DLG1: variants seen among roughly 807,000 people sequenced by gnomAD.
DLG1 encodes disks large homolog 1.
In DLG1, 42 loss-of-function variants were observed where a neutral mutation model predicts 123.4. The observed-to-expected ratio is 0.34, with a 90% CI of 0.27 to 0.44. The LOEUF (loss-of-function observed/expected upper bound fraction) is 0.44, where lower values mean the gene tolerates loss of function less well. Among genes scored for constraint, DLG1 ranks in the 20% least tolerant of loss-of-function variants. DLG1 has a pLI of 1.00. For missense variants in DLG1, 942 were observed against 1,082.6 expected (o/e 0.87, Z 1.82); for synonymous variants, 317 against 356.2 (o/e 0.89, Z 1.24).
intron 4 of DLG1, among the ~76,000 whole-genome samples, chr3:197,203,697 T>G (rs1236965760): frequency 6.6e-6 from 1 of 152,224 alleles, no homozygotes; most frequent in Non-Finnish European, 1.5e-5. Flanking sequence ...CTTTCACTTT[T>G]GCAATCTTTA....
rs1169896274 is a variant in DLG1 at position 197,140,490 on chromosome 3, T to G, written c.589-226A>C. 2.6e-5 allele frequency among the ~76,000 whole-genome samples: 4 copies of G among 152,194 alleles called. No homozygotes were observed. The East Asian group carries it at 5.8e-4, about 22-fold the overall frequency. The stretch of plus-strand genomic sequence containing the variant: ...AGGTTCAAGAAAATACACCAAGGAC[T>G]TTTGAAGTATACTCCACAGTTCTTT... On this transcript the variant is annotated intron_variant, in intron 7 of 24. Transcript: ENST00000667157.
In DLG1 at chr3:197,168,258, AG is replaced by A. The variant is rs1802383133; in HGVS notation, c.484-18463del. Among the ~76,000 whole-genome samples, 4 of 152,374 alleles carry A rather than the reference AG, an allele frequency of 2.6e-5. No individual in the cohort carries two copies. In the South Asian group the frequency reaches 8.3e-4, roughly 32 times the overall value. On this transcript the variant is annotated intron_variant, in intron 5 of 24. Coordinates refer to ENST00000667157, the MANE Select transcript of DLG1 (RefSeq NM_001366207.1). ...ACAGGGCACTGACCAAGTTCCTTGAAGAACATAGGCCCCTGCCTCTTCCTTA... is the reference window on the plus strand; with the variant it reads ...ACAGGGCACTGACCAAGTTCCTTGAAAACATAGGCCCCTGCCTCTTCCTTA...
chr3:197,260,706 C>T (rs1758950764), intron 4 of DLG1, among the ~76,000 whole-genome samples: 1 of 126,388 alleles, frequency 7.9e-6, no homozygotes. Context: ...TTTAAATCTG[C>T]TTCTCCTCGT....
At chr3:197,163,411 G>A (rs1482276978) in intron 5 of DLG1, among the ~76,000 whole-genome samples, 1 of 152,116 alleles carries the variant, frequency 6.6e-6, no homozygotes, top group Non-Finnish European at 1.5e-5. Context: ...ACACTTGTAT[G>A]CCAATGTTCA....
chr3:197,138,594 G>C (rs1279795631), intron 8 of DLG1, among the ~76,000 whole-genome samples: 3 of 151,448 alleles, frequency 2.0e-5, no homozygotes, highest in Non-Finnish European at 2.9e-5. Flanking sequence ...GCCAGCAAAA[G>C]GAACAAAAGA....
At chr3:197,192,543 G>A (rs1231780665) in intron 5 of DLG1, among the ~76,000 whole-genome samples, 1 of 152,038 alleles carries the variant, frequency 6.6e-6, no homozygotes, top group South Asian at 2.1e-4. Flanking sequence ...CTGGTAAACA[G>A]CCAAAAAATC....
intron 14 of DLG1, among the ~76,000 whole-genome samples, chr3:197,097,411 C>T (rs1761179373): frequency 6.6e-6 from 1 of 152,040 alleles, no homozygotes; most frequent in African/African-American, 2.4e-5. Context: ...GCTGTTAATA[C>T]CTTGTTTACA....
intron 4 of DLG1, among the ~76,000 whole-genome samples, chr3:197,231,352 G>A (rs1742915689): frequency 6.6e-6 from 1 of 152,152 alleles, no homozygotes; most frequent in Non-Finnish European, 1.5e-5. Flanking sequence ...GTTATAAGTA[G>A]GCTTACAAAG....
intron 4 of DLG1, among the ~76,000 whole-genome samples, chr3:197,220,020 C>T (rs1736135355): frequency 6.6e-6 from 1 of 152,126 alleles, no homozygotes; most frequent in Non-Finnish European, 1.5e-5. Flanking sequence ...GAATTTAATA[C>T]TCTAAAAAGT....
chr3:197,080,866 T>G (rs1252177653), intron 17 of DLG1, 185 bp downstream of exon 17: 7 of 480,868 alleles, frequency 1.5e-5, no homozygotes, highest in Non-Finnish European at 2.6e-5. Flanking sequence ...TATCAAATGA[T>G]AGTTTTGATA....
At chr3:197,174,357 G>C (rs1232878122) in intron 5 of DLG1, among the ~76,000 whole-genome samples, 1 of 151,940 alleles carries the variant, frequency 6.6e-6, no homozygotes, top group Non-Finnish European at 1.5e-5. Flanking sequence ...TAAAAAACAA[G>C]GAAACAAGAT....
chr3:197,169,642 C>T (rs1803133177), intron 5 of DLG1, among the ~76,000 whole-genome samples: 1 of 152,124 alleles, frequency 6.6e-6, no homozygotes, highest in Non-Finnish European at 1.5e-5. Flanking sequence ...ACTCCAAAGA[C>T]GATAAATGAA....
At chr3:197,070,564 C>CTTTTTTTTTTTTTTTTTTTTTT (rs1491200833) in intron 18 of DLG1, 2 of 44,924 alleles carry the variant, frequency 4.5e-5, no homozygotes, top group Non-Finnish European at 1.0e-4. Flanking sequence ...CTGGAAATTT[C>CTTTTTTTTTTTTTTTTTTTTTT]ATTTTTTTTT....
intron 5 of DLG1, among the ~76,000 whole-genome samples, chr3:197,166,970 A>G (rs1383444094): frequency 1.3e-5 from 2 of 152,130 alleles, no homozygotes; most frequent in Non-Finnish European, 1.5e-5. Context: ...CTCCAGTGCT[A>G]GAGCTCAGCA....
chr3:197,234,646 A>T (rs959367609), intron 4 of DLG1, among the ~76,000 whole-genome samples: 1 of 152,176 alleles, frequency 6.6e-6, no homozygotes, highest in South Asian at 2.1e-4. Flanking sequence ...CACAATACAA[A>T]CTGGGGGAAC....
At chr3:197,259,329 G>A (rs1394402895) in intron 4 of DLG1, among the ~76,000 whole-genome samples, 5 of 152,152 alleles carry the variant, frequency 3.3e-5, no homozygotes, top group Non-Finnish European at 7.4e-5. Context: ...TATCCGATCA[G>A]AAACTACTGT....
chr3:197,047,049 G>A (rs1050579996), intron 24 of DLG1, among the ~76,000 whole-genome samples: 1 of 152,120 alleles, frequency 6.6e-6, no homozygotes, highest in Non-Finnish European at 1.5e-5. Context: ...AATACAGCAC[G>A]TGAGCCTCCG....
intron 23 of DLG1, among the ~76,000 whole-genome samples, chr3:197,058,164 G>GAGAC (rs1393237191): frequency 6.6e-6 from 1 of 151,928 alleles, no homozygotes; most frequent in East Asian, 1.9e-4. Flanking sequence ...ATTTTTAGTA[G>GAGAC]AGACAGAGTC....
rs1167112905 is a variant in DLG1, at chr3:197,147,673, G to A, written c.537+2070C>T. ...CATTGGCATTTGGGGACTCGGGAAA[G>A]CGTGGGACTGGGGTGAGGGATAAAA... On this transcript the variant is annotated intron_variant, in intron 6 of 24. Transcript: ENST00000667157. 2.0e-5 allele frequency among the ~76,000 whole-genome samples: 3 copies of A among 152,110 alleles called. No homozygotes were observed. In the East Asian group the frequency reaches 5.8e-4, roughly 29 times the overall value.
Sources: gnomAD v4.1 joint callset for allele counts (sites outside exome capture counted in the v4.1 genomes callset) on GRCh38, gnomAD v4.1.1 for gene constraint, MANE v1.5 for transcripts, NCBI Gene and HGNC (gene_info 2026-07-23, HGNC 2026-07-21) for gene names.